DHX35: variants seen among roughly 807,000 people sequenced by gnomAD.
The protein encoded by DHX35 is DEAH-box helicase 35, also known as probable ATP-dependent RNA helicase DHX35.
Under a neutral mutation model 99.6 loss-of-function variants are expected in DHX35, and 84 were observed. The observed-to-expected ratio is 0.84, with a 90% confidence interval of 0.71 to 1.01. DHX35 has a LOEUF of 1.01. Ranked by LOEUF, DHX35 falls within the 50% of genes least tolerant of loss-of-function variation. The probability of loss-of-function intolerance (pLI) is 0.00; values close to 1 mark genes in which losing one functional copy is unlikely to be tolerated. For synonymous variants in DHX35, 331 were observed against 316.2 expected, an observed-to-expected ratio of 1.05 and a Z score of -0.50; for missense variants, 852 against 888.5, an observed-to-expected ratio of 0.96 and a Z score of 0.52.
At chr20:39,010,876 T>A (rs1025434509) in intron 13 of DHX35, among the ~76,000 whole-genome samples, 6 of 152,118 alleles carry the variant, frequency 3.9e-5, no homozygotes, top group African/African-American at 1.4e-4. Flanking sequence ...AGATGATTTC[T>A]AGGAGTAGAA....
chr20:39,014,896 C>T lies in DHX35; in HGVS notation c.1364C>T (p.Ser455Leu), dbSNP rs768096287. The change falls in exon 14 of 22, where the codon TCG becomes TTG. Residue 455 changes from serine to leucine, a missense_variant. Ser to Leu is a moderately radical substitution (Grantham distance 145). Coordinates refer to ENST00000252011, the MANE Select transcript of DHX35 (RefSeq NM_021931.4). ...FHFMSPPPAQ[S>L]MVQALELLYA... is the part of the protein sequence containing the mutation. ...TTTTTCCAGCCCCCTCCAGCACAGT[C>T]GATGGTTCAAGCCTTGGAGTTACTG... 1.4e-5 allele frequency: 23 copies of T among 1,614,052 alleles called. No individual in the cohort carries two copies. Among genetic ancestry groups the T allele is most frequent in the Middle Eastern group, 1.6e-4 (1 of 6,062 alleles).
rs759333397 is a variant in DHX35, at chr20:39,014,937, A to AT, written c.1402+4dup. 2 of 1,613,996 alleles carry AT rather than the reference A, an allele frequency of 1.2e-6. No individual in the cohort carries two copies. Among genetic ancestry groups the AT allele is most frequent in the African/African-American group, 2.7e-5 (2 of 74,904 alleles). ...GGAGTTACTGTATGCTCTGGGAGGT[A>AT]TGCCAGTTTCTCTCATCATTCTCTC... On this transcript the variant is annotated splice_donor_region_variant and intron_variant, in intron 14 of 21. Transcript: ENST00000252011.
In DHX35 at chr20:38,991,570, C is replaced by T. The variant is rs377742096; in HGVS notation, c.512+55C>T. ...CTAGTTTCCAAAGTCCCCAGGTAGA[C>T]GGAGAAGCAGGTGTGTTAGTAGCTG... On this transcript the variant is annotated intron_variant, in intron 6 of 21. Coordinates refer to ENST00000252011, the MANE Select transcript of DHX35 (RefSeq NM_021931.4). 71 of 1,517,290 alleles carry T rather than the reference C, an allele frequency of 4.7e-5. No homozygotes were observed. In the African/African-American group the frequency reaches 5.2e-4, roughly 11 times the overall value. 94.0% of individuals were successfully genotyped at this position (1,517,290 alleles called of 1,614,324 possible).
chr20:38,991,433 C>CTTTGTGT (rs759281917), intron 5 of DHX35, 21 bp from the exon 6 acceptor site: 3 of 1,606,676 alleles, frequency 1.9e-6, no homozygotes, highest in Non-Finnish European at 2.6e-6. Context: ...ATTTCTAAAG[C>CTTTGTGT]TTTGTGTTTT....
chr20:38,974,949 G>A (rs1321901320), intron 3 of DHX35, among the ~76,000 whole-genome samples: 1 of 152,212 alleles, frequency 6.6e-6, no homozygotes. Flanking sequence ...GAGATAGCAC[G>A]TCCAGTGGTA....
rs1256548569 is a variant in DHX35 at position 39,006,306 on chromosome 20, C to A, written c.1172C>A (p.Ala391Glu). The change falls in exon 12 of 22, where the codon GCA becomes GAA. Residue 391 changes from alanine (A) to glutamate (E), a missense_variant. Physicochemically the swap from Ala to Glu is moderately radical, Grantham distance 107. Coordinates refer to ENST00000252011, the MANE Select transcript of DHX35 (RefSeq NM_021931.4). ...TCCCAGGCATCAGCTAATCAGCGAG[C>A]AGGACGTGGTGGTCGTAGTCGCTCG... Reference protein sequence around the residue: ...PVSQASANQRAGRGGRSRSGK... With the variant: ...PVSQASANQREGRGGRSRSGK... The A allele has an allele frequency of 3.1e-6, 5 of 1,614,108 alleles. No homozygotes were observed. Among genetic ancestry groups the A allele is most frequent in the Non-Finnish European group, 4.2e-6 (5 of 1,180,014 alleles).
chr20:39,022,568 T>C (rs555866245), intron 16 of DHX35, among the ~76,000 whole-genome samples: 3 of 152,334 alleles, frequency 2.0e-5, no homozygotes, highest in South Asian at 2.1e-4. Flanking sequence ...ACCTTAACCA[T>C]TGAACTACCA....
In DHX35 at chr20:38,969,218, C is replaced by T. The variant is rs189276136; in HGVS notation, c.174+4C>T. The stretch of plus-strand genomic sequence containing the variant: ...GCAGAAGCTGCCGGTATTCAAGGTA[C>T]GTCAAATAATCATGTTCAACCTGTG... On this transcript the variant is annotated splice_donor_region_variant and intron_variant, in intron 2 of 21. Transcript: ENST00000252011. The T allele has an allele frequency of 1.1e-5, 18 of 1,605,776 alleles. No homozygotes were observed. The highest frequency in any genetic ancestry group is 6.7e-5 in the East Asian group (3 of 44,666).
chr20:38,983,587 A>G, intron 3 of DHX35, 112 bp from the exon 4 acceptor site: 1 of 774,178 alleles, frequency 1.3e-6, no homozygotes, highest in African/African-American at 1.7e-5. Flanking sequence ...CTGGGACAAG[A>G]ACTGTACTTT....
chr20:39,001,736 C>G lies in DHX35; in HGVS notation c.649C>G (p.Arg217Gly). The change falls in exon 9 of 22, where the codon CGG (arginine) becomes GGG (glycine). Residue 217 changes from arginine (R) to glycine (G), a missense_variant. Arg to Gly is a moderately radical substitution (Grantham distance 125). Coordinates refer to ENST00000252011, the MANE Select transcript of DHX35 (RefSeq NM_021931.4). The part of the protein sequence containing the change: ...ASATLDADKF[R>G]DFFNQNETSD... ...TTAATTTTTTTCTTTTTAGAAATTC[C>G]GGGATTTCTTTAATCAAAATGAAAC... 2 of 1,603,232 alleles carry G rather than the reference C, an allele frequency of 1.2e-6. No homozygotes were observed. Among genetic ancestry groups the G allele is most frequent in the Non-Finnish European group, 1.7e-6 (2 of 1,175,396 alleles).
At chr20:38,969,279 A>G (rs1488550757) in intron 2 of DHX35, 65 bp downstream of exon 2, 1 of 1,500,268 alleles carries the variant, frequency 6.7e-7, no homozygotes, top group Non-Finnish European at 9.0e-7. Context: ...CTTTATGCTC[A>G]GCACTGAAGG....
chr20:38,972,522 T>A, intron 2 of DHX35, 37 bp from the exon 3 acceptor site: 1 of 1,348,728 alleles, frequency 7.4e-7, no homozygotes, highest in Non-Finnish European at 1.1e-6. Context: ...TTTGAGACAA[T>A]GTATGGCTAT....
chr20:38,973,202 G>A (rs2086028426), intron 3 of DHX35, among the ~76,000 whole-genome samples: 2 of 152,230 alleles, frequency 1.3e-5, no homozygotes, highest in Admixed American at 6.5e-5. Flanking sequence ...CTGGGGTGGA[G>A]AAGTGTAGGG....
intron 4 of DHX35, 127 bp downstream of exon 4, chr20:38,983,903 T>G (rs534995372): frequency 1.0e-5 from 8 of 762,344 alleles, no homozygotes; most frequent in Non-Finnish European, 1.7e-5. Context: ...AGTTTTTATG[T>G]TTTTTTTATT....
chr20:39,008,821 TC>T (rs1264968455), intron 12 of DHX35, among the ~76,000 whole-genome samples: 1 of 152,216 alleles, frequency 6.6e-6, no homozygotes, highest in African/African-American at 2.4e-5. Flanking sequence ...GCCCAACAGA[TC>T]CTCCTTGTCC....
chr20:38,965,605 G>T (rs1272398508), intron 1 of DHX35, among the ~76,000 whole-genome samples: 1 of 152,140 alleles, frequency 6.6e-6, no homozygotes, highest in African/African-American at 2.4e-5. Context: ...TATCATATGG[G>T]TTCAGAGTTG....
At chr20:38,988,664 A>G (rs1331634212) in intron 4 of DHX35, 149 bp from the exon 5 acceptor site, 4 of 1,123,194 alleles carry the variant, frequency 3.6e-6, no homozygotes, top group Middle Eastern at 3.3e-4. Context: ...AAAAGTTATT[A>G]TGCTTGTTCT....
chr20:39,030,604 C>T, intron 19 of DHX35, 100 bp from the exon 20 acceptor site: 1 of 1,108,896 alleles, frequency 9.0e-7, no homozygotes, highest in Non-Finnish European at 1.3e-6. Flanking sequence ...GTGACGAGTT[C>T]AGTCTGCATG....
intron 13 of DHX35, among the ~76,000 whole-genome samples, chr20:39,013,232 A>G (rs1478601635): frequency 6.6e-6 from 1 of 152,204 alleles, no homozygotes. Context: ...ATAATTTTGT[A>G]TATTTAGCAA....
Sources: allele counts gnomAD v4.1 joint callset (sites outside exome capture counted in the v4.1 genomes callset), GRCh38; gene constraint gnomAD v4.1.1; transcripts MANE v1.5; gene names NCBI Gene and HGNC (gene_info 2026-07-23, HGNC 2026-07-21).